The following SMIM10L3 variants were observed in gnomAD, a reference collection of about 807,000 sequenced individuals.
SMIM10L3 encodes salivary gland specific protein SAGSIN1.
the SMIM10L3 span, among the ~76,000 whole-genome samples, chr7:6,338,178 G>A: frequency 2.0e-5 from 3 of 152,054 alleles, no homozygotes; most frequent in East Asian, 1.9e-4. Context: ...GTATTAGACT[G>A]TTATACATAT....
At chr7:6,342,692 G>C in the SMIM10L3 span, among the ~76,000 whole-genome samples, 29 of 152,080 alleles carry the variant, frequency 1.9e-4, no homozygotes, top group African/African-American at 6.0e-4. Context: ...TAGCCAAAAA[G>C]TGAAAGCAAC....
At chr7:6,332,974 C>T in the SMIM10L3 span, among the ~76,000 whole-genome samples, 1 of 151,972 alleles carries the variant, frequency 6.6e-6, no homozygotes, top group Admixed American at 6.6e-5. Flanking sequence ...GCATGGTCAA[C>T]ATGGTGAAAC....
chr7:6,333,248 G>A, the SMIM10L3 span, among the ~76,000 whole-genome samples: 1 of 151,994 alleles, frequency 6.6e-6, no homozygotes, highest in Non-Finnish European at 1.5e-5. Flanking sequence ...GAAGGAGAAA[G>A]CAGGGAGAGT....
At chr7:6,348,232 A>AGGG in the SMIM10L3 span, among the ~76,000 whole-genome samples, 21,482 of 144,412 alleles carry the variant, frequency 0.15, 1,642 homozygotes, top group East Asian at 0.21. Context: ...ATTAAAAATA[A>AGGG]GGGGGGGGGT....
At chr7:6,340,378 A>G in the SMIM10L3 span, among the ~76,000 whole-genome samples, 63,680 of 151,918 alleles carry the variant, frequency 0.42, 14,050 homozygotes, top group East Asian at 0.88. Context: ...GCGGTGGAGG[A>G]CGGAGAAGCG....
At chr7:6,332,613 G>A in the SMIM10L3 span, among the ~76,000 whole-genome samples, 69 of 152,130 alleles carry the variant, frequency 4.5e-4, 1 homozygote, top group East Asian at 0.012. Flanking sequence ...TGGGAGGATT[G>A]CTTGAGCCTG....
chr7:6,330,274 G>C, the SMIM10L3 span: 1 of 1,155,100 alleles, frequency 8.7e-7, no homozygotes, highest in Non-Finnish European at 1.2e-6. Context: ...AACTACAGCA[G>C]GAACCTAAGG....
chr7:6,348,896 C>G, the SMIM10L3 span: 3 of 387,534 alleles, frequency 7.7e-6, no homozygotes, highest in Admixed American at 4.5e-5. Context: ...CGCAGTGGAG[C>G]GGAGTCCGCA....
chr7:6,333,089 A>G, the SMIM10L3 span, among the ~76,000 whole-genome samples: 2 of 151,166 alleles, frequency 1.3e-5, no homozygotes, highest in Non-Finnish European at 3.0e-5. Flanking sequence ...CCCGGGAGGC[A>G]GAGGTTGCAG....
chr7:6,332,800 G>A, the SMIM10L3 span, among the ~76,000 whole-genome samples: 5 of 152,186 alleles, frequency 3.3e-5, no homozygotes, highest in African/African-American at 7.2e-5. Flanking sequence ...GGAAACTGCT[G>A]TTTCTCTAAT....
At chr7:6,346,604 C>G in the SMIM10L3 span, among the ~76,000 whole-genome samples, 6 of 152,168 alleles carry the variant, frequency 3.9e-5, no homozygotes, top group Non-Finnish European at 8.8e-5. Flanking sequence ...TGGTCTCAAA[C>G]TCCTGAGCTT....
chr7:6,341,131 A>C, the SMIM10L3 span, among the ~76,000 whole-genome samples: 2 of 144,988 alleles, frequency 1.4e-5, no homozygotes, highest in African/African-American at 5.2e-5. Context: ...GCGACACAGC[A>C]AGACTCTGTC....
the SMIM10L3 span, among the ~76,000 whole-genome samples, chr7:6,339,983 C>G: frequency 6.6e-6 from 1 of 152,124 alleles, no homozygotes. Context: ...CTCCTGGGTT[C>G]AAGCACTTCT....
the SMIM10L3 span, chr7:6,331,296 ACACC>A: frequency 5.4e-6 from 4 of 739,370 alleles, no homozygotes; most frequent in East Asian, 1.1e-4. Context: ...AAGAGCATCT[ACACC>A]CACCAAATAT....
the SMIM10L3 span, among the ~76,000 whole-genome samples, chr7:6,343,051 AAAAAG>A: frequency 6.9e-6 from 1 of 145,790 alleles, no homozygotes; most frequent in African/African-American, 2.6e-5. Flanking sequence ...AAAAAAAAGA[AAAAAG>A]AAAGAAAGAA....
At chr7:6,335,773 C>A in the SMIM10L3 span, among the ~76,000 whole-genome samples, 1 of 152,066 alleles carries the variant, frequency 6.6e-6, no homozygotes, top group South Asian at 2.1e-4. Context: ...AGTGGCTCAG[C>A]CCTGTCATCC....
chr7:6,330,568 A>G, the SMIM10L3 span: 2 of 1,614,078 alleles, frequency 1.2e-6, no homozygotes, highest in African/African-American at 1.3e-5. Flanking sequence ...ATACACGTGC[A>G]GCGTTGCAGA....
the SMIM10L3 span, chr7:6,330,076 C>T: frequency 2.9e-6 from 1 of 347,536 alleles, no homozygotes; most frequent in South Asian, 3.8e-5. Flanking sequence ...ATGTTGAAGA[C>T]AGAACTTCAT....
the SMIM10L3 span, chr7:6,330,398 C>G: frequency 6.2e-7 from 1 of 1,613,160 alleles, no homozygotes; most frequent in Non-Finnish European, 8.5e-7. Flanking sequence ...AATGTATTTG[C>G]TAATTCAAAA....
Sources: allele counts gnomAD v4.1 joint callset (sites outside exome capture counted in the v4.1 genomes callset), GRCh38; gene constraint gnomAD v4.1.1; transcripts MANE v1.5; gene names NCBI Gene and HGNC (gene_info 2026-07-23, HGNC 2026-07-21).